The following FAM184B variants were observed in gnomAD, a reference collection of about 807,000 sequenced individuals.
The protein encoded by FAM184B is protein FAM184B.
Under a neutral mutation model 135.9 loss-of-function variants are expected in FAM184B, and 111 were observed. That is an observed-to-expected ratio of 0.82 (90% CI 0.70 to 0.96). FAM184B has a LOEUF of 0.96. Ranked by LOEUF, FAM184B falls within the 40% of genes least tolerant of loss-of-function variation. The probability of loss-of-function intolerance (pLI) is 0.00; values close to 1 mark genes in which losing one functional copy is unlikely to be tolerated. For missense variants in FAM184B, 1,375 were observed against 1,323.9 expected, an observed-to-expected ratio of 1.04 and a Z score of -0.60; for synonymous variants, 552 against 524.8, an observed-to-expected ratio of 1.05 and a Z score of -0.71.
intron 13 of FAM184B, among the ~76,000 whole-genome samples, chr4:17,640,707 G>A (rs1041170850): frequency 2.0e-5 from 3 of 152,122 alleles, no homozygotes; most frequent in Non-Finnish European, 2.9e-5. Context: ...AACTGCTAAA[G>A]CTCACTTAAG....
chr4:17,696,986 T>C (rs1446304680), intron 5 of FAM184B, among the ~76,000 whole-genome samples: 1 of 152,162 alleles, frequency 6.6e-6, no homozygotes, highest in Non-Finnish European at 1.5e-5. Flanking sequence ...TAATACATTA[T>C]AACGATGATA....
At chr4:17,765,357 C>T (rs188684695) in intron 1 of FAM184B, among the ~76,000 whole-genome samples, 37 of 152,066 alleles carry the variant, frequency 2.4e-4, no homozygotes, top group African/African-American at 8.7e-4. Context: ...CTCAAGGAAA[C>T]GTCTAGCAAA....
chr4:17,757,829 G>A (rs556622435), intron 1 of FAM184B, among the ~76,000 whole-genome samples: 3 of 152,248 alleles, frequency 2.0e-5, no homozygotes, highest in African/African-American at 7.2e-5. Flanking sequence ...TAGCTGCCAA[G>A]AGTTCTGAGA....
At chr4:17,698,923 G>T (rs1287733176) in intron 5 of FAM184B, among the ~76,000 whole-genome samples, 1 of 151,936 alleles carries the variant, frequency 6.6e-6, no homozygotes, top group Non-Finnish European at 1.5e-5. Context: ...AATAGGCAAA[G>T]AAGCAGAAAA....
At chr4:17,726,583 G>T (rs906537620) in intron 1 of FAM184B, among the ~76,000 whole-genome samples, 2 of 152,100 alleles carry the variant, frequency 1.3e-5, no homozygotes, top group African/African-American at 4.8e-5. Flanking sequence ...TGTTGGTCAG[G>T]CTGGTCTCAA....
At position 17,647,664 on chromosome 4, in the gene FAM184B, G is replaced by A. The variant is rs1489436448; in HGVS notation, c.2319C>T (p.Asp773=). 22 of 1,550,734 alleles carry A rather than the reference G, an allele frequency of 1.4e-5. No individual in the cohort carries two copies. Among genetic ancestry groups the A allele is most frequent in the South Asian group, 4.8e-5 (4 of 84,022 alleles). ...CTGTGGCGATTATGTGATCCTTGCT[G>A]TCTCCTGGACACTGGCTGCTGGCTT... ...RQQASSQCPG[D]SKDHIIATEE... is the part of the protein sequence containing the mutation. Residue 773 remains aspartate, a synonymous_variant, in exon 12 of 18, where the codon GAC becomes GAT. Coordinates refer to ENST00000265018, the MANE Select transcript of FAM184B (RefSeq NM_015688.2).
chr4:17,635,420 C>G (rs538666702), intron 15 of FAM184B, among the ~76,000 whole-genome samples: 1 of 152,178 alleles, frequency 6.6e-6, no homozygotes, highest in Admixed American at 6.6e-5. Flanking sequence ...AAAGAAAACC[C>G]CCAGGTATGC....
intron 1 of FAM184B, among the ~76,000 whole-genome samples, chr4:17,725,700 A>G (rs892237194): frequency 1.3e-5 from 2 of 152,170 alleles, no homozygotes; most frequent in Non-Finnish European, 2.9e-5. Flanking sequence ...AGCCAGTCAT[A>G]TAGCGTCTGT....
intron 1 of FAM184B, among the ~76,000 whole-genome samples, chr4:17,771,273 T>C (rs1718813000): frequency 6.6e-6 from 1 of 152,006 alleles, no homozygotes; most frequent in African/African-American, 2.4e-5. Flanking sequence ...GGAGAAAGGA[T>C]AGGAGGAAGG....
rs1231867504 is a variant in FAM184B, at chr4:17,629,918, C to T, written c.*2614G>A. 1 of 152,116 alleles carries T rather than the reference C, an allele frequency of 6.6e-6. No individual in the cohort carries two copies. Among genetic ancestry groups the T allele is most frequent in the Non-Finnish European group, 1.5e-5 (1 of 68,026 alleles). The allele number at this position is 152,116 out of a possible 1,614,324, so 9.4% of individuals were successfully genotyped here. Reference sequence around the variant, plus strand: ...ACAAACAAAAAGCTTAAGTTTGTGTCCTTAAATGCCTTACTTCAATACCCA... The same window carrying T: ...ACAAACAAAAAGCTTAAGTTTGTGTTCTTAAATGCCTTACTTCAATACCCA... On this transcript the variant is annotated 3_prime_UTR_variant, in exon 18 of 18. Coordinates refer to ENST00000265018, the MANE Select transcript of FAM184B (RefSeq NM_015688.2).
At chr4:17,648,594 T>C (rs1202950021) in intron 11 of FAM184B, among the ~76,000 whole-genome samples, 6 of 151,900 alleles carry the variant, frequency 3.9e-5, no homozygotes. Flanking sequence ...CCTCAAGTGA[T>C]CCACCCACAT....
At chr4:17,650,577 C>G (rs1357533194) in intron 11 of FAM184B, among the ~76,000 whole-genome samples, 1 of 152,190 alleles carries the variant, frequency 6.6e-6, no homozygotes, top group African/African-American at 2.4e-5. Context: ...GCAGCTGCTG[C>G]TGGGTGTTGG....
At position 17,709,426 on chromosome 4, in the gene FAM184B, A is replaced by T; in HGVS notation, c.360T>A (p.Ala120=). ...LQKRLTEEAL[A]ESASCRLETK... is the part of the protein sequence containing the mutation. ...TCTCCAGCCTGCACGAGGCCGACTC[A>T]GCCAGCGCCTCCTCCGTCAGCCTCT... The change falls in exon 2 of 18, where the codon GCT becomes GCA. Residue 120 remains alanine, a synonymous_variant. Coordinates refer to ENST00000265018, the MANE Select transcript of FAM184B (RefSeq NM_015688.2). The T allele has an allele frequency of 6.6e-7, 1 of 1,519,062 alleles. No individual in the cohort carries two copies. 94.1% of individuals were successfully genotyped at this position (1,519,062 alleles called of 1,614,324 possible).
At chr4:17,704,503 A>AG (rs1396197896) in intron 5 of FAM184B, among the ~76,000 whole-genome samples, 1 of 152,176 alleles carries the variant, frequency 6.6e-6, no homozygotes, top group African/African-American at 2.4e-5. Context: ...CAGCTACTCT[A>AG]CAAGGTGCTA....
At chr4:17,729,562 C>T (rs372242670) in intron 1 of FAM184B, among the ~76,000 whole-genome samples, 71 of 152,318 alleles carry the variant, frequency 4.7e-4, no homozygotes, top group African/African-American at 1.5e-3. Context: ...TCTAGAGGAA[C>T]GATCAGGCAG....
At chr4:17,705,289 T>A (rs780939524) in intron 4 of FAM184B, 83 bp from the exon 5 acceptor site, 5 of 1,058,520 alleles carry the variant, frequency 4.7e-6, no homozygotes, top group Non-Finnish European at 6.9e-6. Flanking sequence ...ATACAACTTT[T>A]ACAACGTTTA....
At chr4:17,642,739 T>C (rs563896563) in intron 12 of FAM184B, among the ~76,000 whole-genome samples, 1 of 143,400 alleles carries the variant, frequency 7.0e-6, no homozygotes, top group Non-Finnish European at 1.5e-5. Flanking sequence ...ATTCCTCTCT[T>C]CATCTTTCCA....
chr4:17,650,671 T>C (rs1715590736), intron 11 of FAM184B, among the ~76,000 whole-genome samples: 1 of 152,196 alleles, frequency 6.6e-6, no homozygotes, highest in African/African-American at 2.4e-5. Context: ...TATCTTTACA[T>C]GCTGCTAACT....
Position 17,754,879 on chromosome 4 carries a change from C to CT in FAM184B, c.141+26279dup, listed in dbSNP as rs937027116. Among the ~76,000 whole-genome samples, 799 of 146,584 alleles carry CT rather than the reference C, an allele frequency of 5.5e-3. 9 individuals are homozygous for CT. Among genetic ancestry groups the CT allele is most frequent in the African/African-American group, 0.017 (687 of 40,230 alleles). On this transcript the variant is annotated intron_variant, in intron 1 of 17. Coordinates refer to ENST00000265018, the MANE Select transcript of FAM184B (RefSeq NM_015688.2). ...TCAATAAAATAAAATTAAATTAAAA[C>CT]TTTTTTTTTTTTGAGATAGGGTCTG...
Sources: allele counts gnomAD v4.1 joint callset (sites outside exome capture counted in the v4.1 genomes callset), GRCh38; gene constraint gnomAD v4.1.1; transcripts MANE v1.5; gene names NCBI Gene and HGNC (gene_info 2026-07-23, HGNC 2026-07-21).